QTMAN: variants seen among roughly 807,000 people sequenced by gnomAD.
QTMAN encodes the protein queuosine-tRNA mannosyltransferase.
At chr2:143,989,725 C>A in the QTMAN span, among the ~76,000 whole-genome samples, 3 of 152,050 alleles carry the variant, frequency 2.0e-5, no homozygotes, top group African/African-American at 4.8e-5. Flanking sequence ...TTCAAGAATT[C>A]TTGAGATTTG....
the QTMAN span, among the ~76,000 whole-genome samples, chr2:143,960,040 T>G: frequency 6.6e-5 from 10 of 152,108 alleles, no homozygotes; most frequent in East Asian, 1.9e-3. Flanking sequence ...AAAGCCTTGT[T>G]TCAATTATAA....
the QTMAN span, among the ~76,000 whole-genome samples, chr2:144,169,513 T>A: frequency 6.6e-6 from 1 of 152,144 alleles, no homozygotes; most frequent in Non-Finnish European, 1.5e-5. Context: ...TTACCTCTTA[T>A]GGATCATGGA....
chr2:144,293,857 C>T, the QTMAN span, among the ~76,000 whole-genome samples: 1 of 152,148 alleles, frequency 6.6e-6, no homozygotes, highest in East Asian at 1.9e-4. Context: ...CTTTTTAACT[C>T]CCAAGAATGT....
chr2:144,254,110 G>T, the QTMAN span, among the ~76,000 whole-genome samples: 3 of 152,168 alleles, frequency 2.0e-5, no homozygotes, highest in African/African-American at 7.2e-5. Context: ...TGGTCCCATG[G>T]GTGCACAAAA....
At chr2:143,952,689 C>T in the QTMAN span, 1 of 995,048 alleles carries the variant, frequency 1.0e-6, no homozygotes, top group African/African-American at 1.6e-5. Flanking sequence ...ATTGCTCCTG[C>T]CTAAGTTTAT....
chr2:143,959,201 T>C, the QTMAN span, among the ~76,000 whole-genome samples: 1 of 152,100 alleles, frequency 6.6e-6, no homozygotes, highest in Non-Finnish European at 1.5e-5. Flanking sequence ...CTGTTATATT[T>C]TTCAGTTAAT....
the QTMAN span, among the ~76,000 whole-genome samples, chr2:144,190,293 C>T: frequency 6.6e-6 from 1 of 152,276 alleles, no homozygotes; most frequent in Middle Eastern, 3.4e-3. Flanking sequence ...TGTCCTTGCT[C>T]ACTCGTTCAA....
chr2:144,283,418 G>GA, the QTMAN span, among the ~76,000 whole-genome samples: 3 of 152,062 alleles, frequency 2.0e-5, no homozygotes, highest in Non-Finnish European at 4.4e-5. Context: ...GAACATAGAA[G>GA]AAAAAACAGT....
the QTMAN span, among the ~76,000 whole-genome samples, chr2:144,004,839 C>T: frequency 1.3e-5 from 2 of 152,036 alleles, no homozygotes; most frequent in Admixed American, 1.3e-4. Flanking sequence ...GCACAGGTTA[C>T]ACACTGTAAT....
the QTMAN span, among the ~76,000 whole-genome samples, chr2:144,196,509 G>A: frequency 6.6e-6 from 1 of 151,996 alleles, no homozygotes; most frequent in South Asian, 2.1e-4. Context: ...GTGAAAGATA[G>A]GTTACCAAGT....
At chr2:143,964,966 A>G in the QTMAN span, among the ~76,000 whole-genome samples, 1 of 152,204 alleles carries the variant, frequency 6.6e-6, no homozygotes, top group African/African-American at 2.4e-5. Flanking sequence ...GTTCACAGAA[A>G]ATAATATTTT....
chr2:144,120,816 C>CA, the QTMAN span, among the ~76,000 whole-genome samples: 7 of 151,946 alleles, frequency 4.6e-5, no homozygotes, highest in Admixed American at 2.0e-4. Flanking sequence ...CAAAACAAAA[C>CA]AAAAAAACAA....
the QTMAN span, among the ~76,000 whole-genome samples, chr2:144,211,761 G>GA: frequency 1.3e-3 from 186 of 144,252 alleles, no homozygotes; most frequent in South Asian, 0.014. Context: ...AAAAGAAAAA[G>GA]AAAAAAAAAA....
the QTMAN span, among the ~76,000 whole-genome samples, chr2:144,209,010 T>C: frequency 6.6e-6 from 1 of 152,186 alleles, no homozygotes; most frequent in East Asian, 1.9e-4. Context: ...AATAAAGGTG[T>C]CTTTATTTTT....
chr2:144,027,495 G>C, the QTMAN span, among the ~76,000 whole-genome samples: 1 of 152,212 alleles, frequency 6.6e-6, no homozygotes, highest in Admixed American at 6.5e-5. Flanking sequence ...CCTGGCTCTG[G>C]TGCTCATTTA....
the QTMAN span, among the ~76,000 whole-genome samples, chr2:144,313,886 C>G: frequency 6.6e-6 from 1 of 151,048 alleles, no homozygotes; most frequent in Non-Finnish European, 1.5e-5. Flanking sequence ...TAGTACAAAC[C>G]AATATTCTTG....
the QTMAN span, among the ~76,000 whole-genome samples, chr2:143,964,958 T>G: frequency 3.9e-5 from 6 of 152,188 alleles, no homozygotes; most frequent in Non-Finnish European, 7.3e-5. Context: ...CTTTGGCAGT[T>G]CACAGAAAAT....
chr2:144,332,177 C>G, the QTMAN span, among the ~76,000 whole-genome samples: 1 of 56 alleles, frequency 0.018, no homozygotes, highest in East Asian at 0.25. Context: ...CAAAATGCCA[C>G]GGCGTGACGC....
chr2:143,947,065 C>T, the QTMAN span: 1 of 1,612,950 alleles, frequency 6.2e-7, no homozygotes, highest in South Asian at 1.1e-5. Context: ...CAAATCTTCC[C>T]TAGGTTCTGT....
Sources: gnomAD v4.1 joint callset for allele counts (sites outside exome capture counted in the v4.1 genomes callset) on GRCh38, gnomAD v4.1.1 for gene constraint, MANE v1.5 for transcripts, NCBI Gene and HGNC (gene_info 2026-07-23, HGNC 2026-07-21) for gene names.